The following SCP2 variants were observed in gnomAD, a reference collection of about 807,000 sequenced individuals.
SCP2 encodes SCP-2/3-oxoacyl-CoA thiolase.
In SCP2, 48 loss-of-function variants were observed where a neutral mutation model predicts 71.4. That is an observed-to-expected ratio of 0.67 (90% confidence interval 0.53 to 0.86). The LOEUF is 0.86. Ranked by LOEUF, SCP2 falls within the 40% of genes least tolerant of loss-of-function variation. The probability of loss-of-function intolerance (pLI) is 0.00; values close to 1 mark genes in which losing one functional copy is unlikely to be tolerated. For missense variants in SCP2, 560 were observed against 655.6 expected (o/e 0.85, Z 1.59); for synonymous variants, 220 against 218.1 (o/e 1.01, Z -0.08).
intron 11 of SCP2, among the ~76,000 whole-genome samples, chr1:52,999,808 A>T (rs888369328): frequency 1.5e-5 from 2 of 133,578 alleles, no homozygotes; most frequent in African/African-American, 6.1e-5. Context: ...ACACTTACTG[A>T]ACACTTGTTT....
intron 1 of SCP2, among the ~76,000 whole-genome samples, chr1:52,930,930 G>A (rs745939041): frequency 1.3e-5 from 2 of 152,068 alleles, no homozygotes; most frequent in African/African-American, 4.8e-5. Flanking sequence ...ATATGCTAGA[G>A]ATGCAAAAAT....
chr1:53,009,687 T>C (rs920298044), intron 11 of SCP2, among the ~76,000 whole-genome samples: 5 of 152,130 alleles, frequency 3.3e-5, no homozygotes, highest in African/African-American at 1.2e-4. Context: ...GAAGAAAACC[T>C]AGGCAATACC....
chr1:52,931,706 C>T (rs1481144061), intron 1 of SCP2, among the ~76,000 whole-genome samples: 1 of 152,198 alleles, frequency 6.6e-6, no homozygotes, highest in Non-Finnish European at 1.5e-5. Context: ...AGAGAGCTTC[C>T]TTCAGGCTTT....
At chr1:53,034,756 C>T (rs913859345) in intron 13 of SCP2, among the ~76,000 whole-genome samples, 1 of 152,110 alleles carries the variant, frequency 6.6e-6, no homozygotes, top group South Asian at 2.1e-4. Flanking sequence ...TTGAGTATTT[C>T]AGGTACTTAT....
chr1:52,949,570 C>T (rs1254434275), intron 3 of SCP2, among the ~76,000 whole-genome samples: 1 of 152,152 alleles, frequency 6.6e-6, no homozygotes, highest in Non-Finnish European at 1.5e-5. Flanking sequence ...GTTCCATTGG[C>T]TGGAACGGGA....
At chr1:52,941,897 T>C in intron 2 of SCP2, 44 bp downstream of exon 2, 2 of 1,419,728 alleles carry the variant, frequency 1.4e-6, no homozygotes, top group Non-Finnish European at 1.0e-6. Context: ...TAGTTTATTA[T>C]GTGGTCTGTC....
At chr1:53,012,184 C>G (rs1291437918) in intron 11 of SCP2, among the ~76,000 whole-genome samples, 3 of 152,160 alleles carry the variant, frequency 2.0e-5, no homozygotes, top group Non-Finnish European at 4.4e-5. Context: ...CATAAGACCC[C>G]CATTCCAGAA....
rs1447979421 is a variant in SCP2 at position 52,950,845 on chromosome 1, G to A, written c.290G>A (p.Gly97Asp). The change falls in exon 4 of 16, where the codon GGT (glycine) becomes GAT (aspartate). Residue 97 changes from glycine to aspartate, a missense_variant. Transcript: ENST00000371514. ...AATGTCAACAATAACTGTGCTACTGGTTCTACTGCTTTGTTTATGGCCCGC... is the reference window on the plus strand; with the variant it reads ...AATGTCAACAATAACTGTGCTACTGATTCTACTGCTTTGTTTATGGCCCGC... ...IINVNNNCAT[G>D]STALFMARQL... is the part of the protein sequence containing the mutation. 1 of 1,614,050 alleles carries A rather than the reference G, an allele frequency of 6.2e-7. No homozygotes were observed. Among genetic ancestry groups the A allele is most frequent in the Non-Finnish European group, 8.5e-7 (1 of 1,179,956 alleles).
In SCP2 at chr1:52,973,345, C is replaced by CTT. The variant is rs35488175; in HGVS notation, c.524-1412_524-1411dup. ...TAAACTTATTTGACAGAAGAACCCT[C>CTT]TTTTTTTTTTTTTGGTAACACCAAA... On this transcript the variant is annotated intron_variant, in intron 6 of 15. Transcript: ENST00000371514. Among the ~76,000 whole-genome samples the CTT allele has an allele frequency of 7.4e-4, 108 of 146,542 alleles. 1 individual carries two copies. The highest frequency in any genetic ancestry group is 2.6e-3 in the South Asian group (12 of 4,642).
rs1282243951 is a variant in SCP2, at chr1:52,980,436, A to G, written c.866A>G (p.Tyr289Cys). Residue 289 changes from tyrosine to cysteine, a missense_variant, in exon 10 of 16, where the codon TAT (tyrosine) becomes TGT (cysteine). By Grantham distance (194) the Tyr-to-Cys change is radical (BLOSUM62 -2). This residue lies in a region of SCP2 where 513 missense variants were observed against 573.1 expected (regional missense o/e 0.90). Coordinates refer to ENST00000371514, the MANE Select transcript of SCP2 (RefSeq NM_002979.5). Reference protein sequence around the residue: ...DMSKEAARKCYEKSGLTPNDI... With the variant: ...DMSKEAARKCCEKSGLTPNDI... Reference sequence around the variant, plus strand: ...AGTAAAGAAGCTGCAAGAAAATGCTATGAGAAATCTGGCCTGACACCAAAT... The same window carrying G: ...AGTAAAGAAGCTGCAAGAAAATGCTGTGAGAAATCTGGCCTGACACCAAAT... 13 of 1,614,064 alleles carry G rather than the reference A, an allele frequency of 8.1e-6. No individual in the cohort carries two copies. The highest frequency in any genetic ancestry group is 1.6e-4 in the Middle Eastern group (1 of 6,084).
chr1:52,966,840 C>T (rs2150151260), intron 6 of SCP2, among the ~76,000 whole-genome samples: 1 of 151,756 alleles, frequency 6.6e-6, no homozygotes, highest in Admixed American at 6.6e-5. Context: ...TTGCAGTGAG[C>T]CGAGATCATG....
chr1:53,002,305 C>G (rs1244382650), intron 11 of SCP2, among the ~76,000 whole-genome samples: 1 of 152,094 alleles, frequency 6.6e-6, no homozygotes, highest in Non-Finnish European at 1.5e-5. Context: ...CAATACATTG[C>G]ATATTTAAAG....
rs543919507 is a variant in SCP2 at position 52,964,245 on chromosome 1, G to A, written c.523+2616G>A. Among the ~76,000 whole-genome samples, 9 of 137,722 alleles carry A rather than the reference G, an allele frequency of 6.5e-5. No homozygotes were observed. In the South Asian group the frequency reaches 1.1e-3, roughly 17 times the overall value. 90.4% of individuals were successfully genotyped at this position (137,722 alleles called of 152,430 possible). A position where few individuals can be genotyped will look rare whatever the true frequency, so the allele number is the denominator to read the frequency against. On this transcript the variant is annotated intron_variant, in intron 6 of 15. Transcript: ENST00000371514. ...TTTTTTTTTTTTGAGACAGAGTCTC[G>A]CTCTGGAGTGCAGTGGCATGATCTT...
At position 53,014,968 on chromosome 1, in the gene SCP2, CT is replaced by C; in HGVS notation, c.1161del (p.Leu388CysfsTer5). The C allele has an allele frequency of 6.2e-7, 1 of 1,614,024 alleles. No homozygotes were observed. The highest frequency in any genetic ancestry group is 8.5e-7 in the Non-Finnish European group (1 of 1,179,948). On this transcript the variant is annotated frameshift_variant, in exon 12 of 16. Transcript: ENST00000371514. LOFTEE classifies it high-confidence loss of function. ...AGGCAAGTTCCTGGTGCAAAGGTGG[CT>C]CTGCAGCATAATTTAGGCATTGGAG... is the stretch of plus-strand genomic sequence containing the variant. ...GKRQVPGAKV[A>X]LQHNLGIGGA...
intron 10 of SCP2, among the ~76,000 whole-genome samples, chr1:52,982,866 T>A (rs933571181): frequency 6.6e-6 from 1 of 152,216 alleles, no homozygotes. Flanking sequence ...GGTAAAAATG[T>A]CACACATAAT....
chr1:52,977,403 C>T (rs552557625), intron 8 of SCP2, among the ~76,000 whole-genome samples: 3 of 152,302 alleles, frequency 2.0e-5, no homozygotes, highest in East Asian at 3.9e-4. Flanking sequence ...TGTTTGCTAC[C>T]TTCCATCACA....
chr1:52,980,548 C>G lies in SCP2; in HGVS notation c.973+5C>G. The stretch of plus-strand genomic sequence containing the variant: ...CACTGGGACTCTGTCCAGAAGGTAA[C>G]ATCTTTGAATAGGGCAGATTAATTC... On this transcript the variant is annotated splice_donor_5th_base_variant and intron_variant, in intron 10 of 15. Transcript: ENST00000371514. 3 of 1,612,600 alleles carry G rather than the reference C, an allele frequency of 1.9e-6. No homozygotes were observed. The highest frequency in any genetic ancestry group is 2.5e-6 in the Non-Finnish European group (3 of 1,178,624).
chr1:52,981,358 A>G (rs185821023), intron 10 of SCP2, among the ~76,000 whole-genome samples: 13 of 152,288 alleles, frequency 8.5e-5, no homozygotes, highest in Non-Finnish European at 1.6e-4. Flanking sequence ...GTCCAAATTG[A>G]CGTGTGCTGT....
At chr1:52,949,538 G>A (rs769764159) in intron 3 of SCP2, among the ~76,000 whole-genome samples, 41 of 152,136 alleles carry the variant, frequency 2.7e-4, no homozygotes, top group Non-Finnish European at 5.4e-4. Context: ...AACCTGATGC[G>A]TCCACCCTAC....
Sources: allele counts gnomAD v4.1 joint callset (sites outside exome capture counted in the v4.1 genomes callset), GRCh38; gene constraint gnomAD v4.1.1; regional missense constraint gnomAD v4.1.1; transcripts MANE v1.5; gene names NCBI Gene and HGNC (gene_info 2026-07-23, HGNC 2026-07-21).